Variants in RUVBL1 observed in about 807,000 individuals in gnomAD.
RUVBL1 encodes the protein ruvB-like 1.
A neutral mutation model predicts 52.4 loss-of-function variants in RUVBL1; 4 were observed. That is an observed-to-expected ratio of 0.08 (90% CI 0.04 to 0.17). The LOEUF (loss-of-function observed/expected upper bound fraction) is 0.17, where lower values mean the gene tolerates loss of function less well. RUVBL1 is among the 10% of genes least tolerant of loss of function. The pLI is 1.00. For synonymous variants in RUVBL1, 217 were observed against 214.4 expected (o/e 1.01, Z -0.10); for missense variants, 298 against 572.8 (o/e 0.52, Z 4.90).
intron 7 of RUVBL1, 144 bp downstream of exon 7, chr3:128,098,737 AG>A (rs373398390): frequency 9.5e-5 from 65 of 686,118 alleles, no homozygotes; most frequent in East Asian, 5.4e-4. Flanking sequence ...AACTTAGGCT[AG>A]AGTCAAGCTC....
At chr3:128,083,683 G>C (rs1359001249) in intron 9 of RUVBL1, 1 of 152,338 alleles carries the variant, frequency 6.6e-6, no homozygotes, top group Non-Finnish European at 1.5e-5. Context: ...AAACACCCTG[G>C]GGAGGCAGCC....
At chr3:128,115,305 A>C in intron 2 of RUVBL1, among the ~76,000 whole-genome samples, 1 of 152,252 alleles carries the variant, frequency 6.6e-6, no homozygotes, top group East Asian at 1.9e-4. Flanking sequence ...AAGTGGCACA[A>C]AAAAGAGGTT....
At chr3:128,072,438 C>T (rs910986100) in intron 9 of RUVBL1, among the ~76,000 whole-genome samples, 4 of 152,234 alleles carry the variant, frequency 2.6e-5, no homozygotes, top group African/African-American at 9.6e-5. Context: ...GTCTTGGAAA[C>T]TGATTTCCAA....
intron 9 of RUVBL1, chr3:128,068,179 C>T: frequency 1.4e-6 from 1 of 719,176 alleles, no homozygotes; most frequent in Non-Finnish European, 2.4e-6. Context: ...CCTTGGGTTA[C>T]AGGACAGAAT....
At chr3:128,137,709 C>T (rs1023312988) in intron 1 of RUVBL1, among the ~76,000 whole-genome samples, 2 of 152,150 alleles carry the variant, frequency 1.3e-5, no homozygotes, top group Non-Finnish European at 2.9e-5. Context: ...TACCCTGATA[C>T]CCAAATCAGG....
At chr3:128,135,005 A>G (rs1943930147) in intron 1 of RUVBL1, among the ~76,000 whole-genome samples, 1 of 152,060 alleles carries the variant, frequency 6.6e-6, no homozygotes, top group Non-Finnish European at 1.5e-5. Flanking sequence ...AACCTAGAGG[A>G]AAAAAAATTA....
At chr3:128,069,215 T>C (rs1942079561) in intron 9 of RUVBL1, among the ~76,000 whole-genome samples, 1 of 152,274 alleles carries the variant, frequency 6.6e-6, no homozygotes, top group Non-Finnish European at 1.5e-5. Context: ...TTTTACATCC[T>C]TGTCTTCAAA....
chr3:128,130,526 C>T lies in RUVBL1; in HGVS notation c.-39-11112G>A, dbSNP rs149056039. ...CTGTAACCTCAGCACTTTGGGAGGC[C>T]GATGTGGGAGGATTGTTTGAGGTCA... On this transcript the variant is annotated intron_variant, in intron 1 of 9. Coordinates refer to the RUVBL1 transcript ENST00000464873. Among the ~76,000 whole-genome samples, 235 of 142,684 alleles carry T rather than the reference C, an allele frequency of 1.6e-3. 1 individual carries two copies. The highest frequency in any genetic ancestry group is 5.6e-3 in the African/African-American group (215 of 38,278). 93.6% of individuals were successfully genotyped at this position (142,684 alleles called of 152,430 possible).
chr3:128,144,992 G>T (rs1045438202), intron 1 of RUVBL1, among the ~76,000 whole-genome samples: 1 of 152,172 alleles, frequency 6.6e-6, no homozygotes, highest in African/African-American at 2.4e-5. Flanking sequence ...CTTTGTCATT[G>T]TGAGGGGGGA....
Position 128,071,060 on chromosome 3 carries a change from A to G in RUVBL1, c.940-5840T>C, listed in dbSNP as rs73210934. On this transcript the variant is annotated intron_variant, in intron 9 of 9. Coordinates refer to the RUVBL1 transcript ENST00000464873. ...CCTGTCGGGGAGACCCCACTCTGAC[A>G]GTGGGCACACGGCAGCCTGCAAAGC... 7.3e-3 allele frequency: 1,111 copies of G among 152,470 alleles called. 8 individuals are homozygous for G. Among genetic ancestry groups the G allele is most frequent in the Middle Eastern group, 0.014 (4 of 294 alleles). The allele number at this position is 152,470 out of a possible 1,614,324, so 9.4% of individuals were successfully genotyped here.
At chr3:128,101,915 G>A (rs1201020354) in intron 4 of RUVBL1, among the ~76,000 whole-genome samples, 1 of 152,150 alleles carries the variant, frequency 6.6e-6, no homozygotes, top group East Asian at 1.9e-4. Context: ...AGGGACACAG[G>A]GGACACGTAC....
chr3:128,075,988 C>T (rs1000924579), downstream of RUVBL1: 2 of 152,594 alleles, frequency 1.3e-5, no homozygotes, highest in African/African-American at 2.4e-5. Flanking sequence ...CACTCGCGCC[C>T]GGCTGTCCCT....
exon 1 of RUVBL1, chr3:128,153,566 A>T (rs1293465378): frequency 6.5e-7 from 1 of 1,539,740 alleles, no homozygotes; most frequent in Non-Finnish European, 8.7e-7. Context: ...GACAGCGGCA[A>T]GACGGCGCTG....
intron 8 of RUVBL1, among the ~76,000 whole-genome samples, chr3:128,092,920 T>G (rs550250944): frequency 1.3e-5 from 2 of 152,226 alleles, no homozygotes; most frequent in Non-Finnish European, 1.5e-5. Flanking sequence ...CTCACAGTAA[T>G]CCTAGCAGTT....
intron 1 of RUVBL1, among the ~76,000 whole-genome samples, chr3:128,150,928 A>AATATATTCTATATATTCTATATATT (rs1944192091): frequency 1.5e-5 from 1 of 67,180 alleles, no homozygotes; most frequent in Non-Finnish European, 2.5e-5. Context: ...TTATATATAT[A>AATATATTCTATATATTCTATATATT]ATATATTCTA....
intron 1 of RUVBL1, among the ~76,000 whole-genome samples, chr3:128,149,038 T>C (rs1167644478): frequency 6.6e-6 from 1 of 152,160 alleles, no homozygotes; most frequent in Non-Finnish European, 1.5e-5. Context: ...CAGTCTAGAC[T>C]GCCACACACT....
At chr3:128,087,861 G>T in intron 8 of RUVBL1, 53 bp from the exon 9 acceptor site, 1 of 1,269,780 alleles carries the variant, frequency 7.9e-7, no homozygotes, top group South Asian at 1.2e-5. Context: ...GACAAGAAAC[G>T]ACACTGGAAA....
At chr3:128,117,278 C>CA (rs1943548084) in intron 2 of RUVBL1, among the ~76,000 whole-genome samples, 1 of 152,118 alleles carries the variant, frequency 6.6e-6, no homozygotes, top group Non-Finnish European at 1.5e-5. Context: ...GGCTAAAAGA[C>CA]AAAGAGGACA....
At chr3:128,114,796 A>G (rs1943478989) in intron 2 of RUVBL1, among the ~76,000 whole-genome samples, 1 of 152,170 alleles carries the variant, frequency 6.6e-6, no homozygotes, top group Non-Finnish European at 1.5e-5. Context: ...GCACTCTAAC[A>G]GCAGACTCCC....
Sources: gnomAD v4.1 joint callset for allele counts (sites outside exome capture counted in the v4.1 genomes callset) on GRCh38, gnomAD v4.1.1 for gene constraint, MANE v1.5 for transcripts, NCBI Gene and HGNC (gene_info 2026-07-23, HGNC 2026-07-21) for gene names.